Variants in WDR37 observed in about 807,000 individuals in gnomAD.
WDR37 encodes WD repeat-containing protein 37.
WDR37 carries 19 observed loss-of-function variants against 62.9 expected under a neutral mutation model. The ratio of observed to expected loss-of-function variants is 0.30; its 90% confidence interval spans 0.21 to 0.44. The LOEUF is 0.44. Ranked by LOEUF, WDR37 falls within the 20% of genes least tolerant of loss-of-function variation. WDR37 has a pLI of 1.00. For missense variants in WDR37, 474 were observed against 657.6 expected (o/e 0.72, Z 3.05); for synonymous variants, 250 against 260.9 (o/e 0.96, Z 0.40).
intron 8 of WDR37, among the ~76,000 whole-genome samples, 173 bp downstream of exon 8, chr10:1,093,669 T>C (rs1350291227): frequency 6.6e-6 from 1 of 152,220 alleles, no homozygotes; most frequent in Non-Finnish European, 1.5e-5. Context: ...TGAGCAGTAC[T>C]TTCTAGAGAC....
At position 1,105,312 on chromosome 10, in the gene WDR37, T is replaced by C. The variant is rs1250019707; in HGVS notation, c.1103+45T>C. 6.3e-7 allele frequency: 1 copy of C among 1,577,304 alleles called. No individual in the cohort carries two copies. Among genetic ancestry groups the C allele is most frequent in the Admixed American group, 1.8e-5 (1 of 56,432 alleles). ...ACATCTGTCCTTAGTCATGAAAAAGTTCTGTGGGTTGACATGAAAACTTAA... is the reference window on the plus strand; with the variant it reads ...ACATCTGTCCTTAGTCATGAAAAAGCTCTGTGGGTTGACATGAAAACTTAA... On this transcript the variant is annotated intron_variant, in intron 11 of 13. Transcript: ENST00000263150. This position sits in a 1 kb window ranked among gnomAD's most constrained non-coding sequence, Gnocchi z 5.3.
chr10:1,074,245 C>T lies in WDR37; in HGVS notation c.138+1952C>T. 2.0e-6 allele frequency: 2 copies of T among 997,238 alleles called. 1 individual carries two copies. The highest frequency in any genetic ancestry group is 2.6e-6 in the Non-Finnish European group (2 of 773,696). 61.8% of individuals were successfully genotyped at this position (997,238 alleles called of 1,614,324 possible). The stretch of plus-strand genomic sequence containing the variant: ...CTAGCAGTGGAAACCCTGCAGCCTC[C>T]CCTGCTGGCATGTTCTAGAGTTGTC... On this transcript the variant is annotated intron_variant, in intron 2 of 13. Transcript: ENST00000263150.
chr10:1,077,714 T>C (rs747375940), intron 2 of WDR37, among the ~76,000 whole-genome samples, 193 bp from the exon 3 acceptor site: 1 of 152,340 alleles, frequency 6.6e-6, no homozygotes, highest in Non-Finnish European at 1.5e-5. Context: ...TAGGTAGCCA[T>C]TTATACAATT....
At chr10:1,069,389 A>ATTTTTTTTTT (rs377212232) in intron 1 of WDR37, among the ~76,000 whole-genome samples, 1 of 95,780 alleles carries the variant, frequency 1.0e-5, no homozygotes, top group Non-Finnish European at 1.9e-5. Context: ...ATATATATAT[A>ATTTTTTTTTT]TTTTTTTTTT....
intron 11 of WDR37, among the ~76,000 whole-genome samples, chr10:1,116,113 C>T (rs77053733): frequency 0.033 from 4,998 of 152,220 alleles, 277 homozygotes; most frequent in African/African-American, 0.12. Flanking sequence ...GAGTGATGCT[C>T]GTTGCACGCA....
Position 1,124,277 on chromosome 10 carries a change from G to A in WDR37, c.1163G>A (p.Arg388His). Residue 388 changes from arginine to histidine, a missense_variant, in exon 12 of 14, where the codon CGC (arginine) becomes CAC (histidine). By Grantham distance (29) the Arg-to-His change is conservative. Transcript: ENST00000263150. ...GDNVVSGSDD[R>H]TVKVWDLKNM... ...AACGTGGTTTCAGGCAGCGATGACC[G>A]CACGGTGAAAGTCTGGGACTTGAAA... The A allele has an allele frequency of 5.0e-6, 8 of 1,614,170 alleles. No individual in the cohort carries two copies. Among genetic ancestry groups the A allele is most frequent in the Non-Finnish European group, 6.8e-6 (8 of 1,180,040 alleles).
At position 1,131,691 on chromosome 10, in the gene WDR37, T is replaced by TGTGCGTGTGC. The variant is rs77505067; in HGVS notation, c.*2350_*2351insCGTGTGCGTG. ...CAGACAAGATCGGGGATGGTGTGTG[T>TGTGCGTGTGC]GTGTGTGTGTGTGTGTGTGTGCACG... On this transcript the variant is annotated 3_prime_UTR_variant, in exon 14 of 14. Coordinates refer to ENST00000263150, the MANE Select transcript of WDR37 (RefSeq NM_014023.4). 1 of 151,338 alleles carries TGTGCGTGTGC rather than the reference T, an allele frequency of 6.6e-6. No individual in the cohort carries two copies. Among genetic ancestry groups the TGTGCGTGTGC allele is most frequent in the African/African-American group, 2.4e-5 (1 of 41,248 alleles). The allele number at this position is 151,338 out of a possible 1,614,324, so 9.4% of individuals were successfully genotyped here.
At chr10:1,090,900 G>A (rs1000571627) in intron 7 of WDR37, among the ~76,000 whole-genome samples, 2 of 152,140 alleles carry the variant, frequency 1.3e-5, no homozygotes, top group Non-Finnish European at 2.9e-5. Flanking sequence ...CTGCTGCTGC[G>A]CCTTTAAATC....
At chr10:1,107,879 CTGT>C (rs1246491788) in intron 11 of WDR37, among the ~76,000 whole-genome samples, 3 of 152,006 alleles carry the variant, frequency 2.0e-5, no homozygotes, top group East Asian at 3.9e-4. Context: ...CTAGGTTTGC[CTGT>C]TGTTGTATTG....
intron 9 of WDR37, among the ~76,000 whole-genome samples, chr10:1,100,587 G>A (rs576763052): frequency 6.6e-6 from 1 of 152,346 alleles, no homozygotes; most frequent in South Asian, 2.1e-4. Context: ...ATTTGCATCT[G>A]TGAGTTTTGC....
Position 1,131,449 on chromosome 10 carries a change from G to A in WDR37, c.*2105G>A, listed in dbSNP as rs1835944660. On this transcript the variant is annotated 3_prime_UTR_variant, in exon 14 of 14. Transcript: ENST00000263150. ...AGTCAATATTCCTAGTGGCCACTGAGTTCCAGGCACACTGGTGCCCTTTAC... is the reference window on the plus strand; with the variant it reads ...AGTCAATATTCCTAGTGGCCACTGAATTCCAGGCACACTGGTGCCCTTTAC... 1 of 152,258 alleles carries A rather than the reference G, an allele frequency of 6.6e-6. No homozygotes were observed. The highest frequency in any genetic ancestry group is 6.5e-5 in the Admixed American group (1 of 15,292). The allele number at this position is 152,258 out of a possible 1,614,324, so 9.4% of individuals were successfully genotyped here.
chr10:1,057,911 T>A (rs1378392961), intron 1 of WDR37, among the ~76,000 whole-genome samples: 1 of 152,218 alleles, frequency 6.6e-6, no homozygotes, highest in Non-Finnish European at 1.5e-5. Flanking sequence ...CAGGAATTAT[T>A]TACCTCTGAA....
intron 1 of WDR37, among the ~76,000 whole-genome samples, chr10:1,064,823 C>T (rs1833490235): frequency 6.6e-6 from 1 of 152,028 alleles, no homozygotes; most frequent in East Asian, 1.9e-4. Context: ...AACTCCTGAC[C>T]TCAGGTGATC....
intron 1 of WDR37, among the ~76,000 whole-genome samples, chr10:1,057,921 A>G (rs1833245908): frequency 6.6e-6 from 1 of 152,240 alleles, no homozygotes; most frequent in South Asian, 2.1e-4. Flanking sequence ...TTACCTCTGA[A>G]TGAGAAAGCT....
intron 11 of WDR37, among the ~76,000 whole-genome samples, chr10:1,110,698 G>A (rs1835187663): frequency 6.6e-6 from 1 of 152,246 alleles, no homozygotes; most frequent in Non-Finnish European, 1.5e-5. Context: ...ACTTGTAAGA[G>A]CACACCCTGG....
chr10:1,126,343 T>C (rs12265731), intron 13 of WDR37, among the ~76,000 whole-genome samples: 2,306 of 150,568 alleles, frequency 0.015, 54 homozygotes, highest in African/African-American at 0.042. Context: ...GAGGCGGAGC[T>C]TGCAGTGAGC....
At chr10:1,058,950 T>G (rs531742437) in intron 1 of WDR37, among the ~76,000 whole-genome samples, 5 of 152,392 alleles carry the variant, frequency 3.3e-5, no homozygotes, top group African/African-American at 1.2e-4. Context: ...CTTTTGCATG[T>G]GATTAACATT....
intron 9 of WDR37, among the ~76,000 whole-genome samples, chr10:1,100,286 G>GCACTGCA (rs71376888): frequency 0.4 from 60,699 of 151,426 alleles, 13,023 homozygotes; most frequent in South Asian, 0.53. Flanking sequence ...TGTCCTGGGA[G>GCACTGCA]CACTGCACAC....
intron 11 of WDR37, among the ~76,000 whole-genome samples, chr10:1,117,484 A>C (rs1425269181): frequency 1.3e-5 from 2 of 152,250 alleles, no homozygotes; most frequent in African/African-American, 2.4e-5. Flanking sequence ...GAACTCATAA[A>C]TAAGGACTTA....
Sources: gnomAD v4.1 joint callset for allele counts (sites outside exome capture counted in the v4.1 genomes callset) on GRCh38, gnomAD v4.1.1 for gene constraint, Gnocchi (gnomAD v3.1) non-coding constraint, MANE v1.5 for transcripts, NCBI Gene and HGNC (gene_info 2026-07-23, HGNC 2026-07-21) for gene names.